Variants in FGF14 observed in about 807,000 individuals in gnomAD.
FGF14 encodes fibroblast growth factor homologous factor 4.
Under a neutral mutation model 25.5 loss-of-function variants are expected in FGF14, and 5 were observed. That is an observed-to-expected ratio of 0.20 (90% CI 0.10 to 0.41). The LOEUF (loss-of-function observed/expected upper bound fraction) is 0.41, where lower values mean the gene tolerates loss of function less well. FGF14 is among the 10% of genes least tolerant of loss of function. The pLI, the probability that FGF14 is intolerant of heterozygous loss-of-function variation, is 1.00. For missense variants in FGF14, 222 were observed against 320.1 expected, an observed-to-expected ratio of 0.69 and a Z score of 2.34; for synonymous variants, 138 against 118.3, an observed-to-expected ratio of 1.17 and a Z score of -1.08.
chr13:102,109,102 C>T (rs2045084048), intron 1 of FGF14, among the ~76,000 whole-genome samples: 1 of 139,062 alleles, frequency 7.2e-6, no homozygotes, highest in South Asian at 2.3e-4. Context: ...CTAGAGAGGT[C>T]TTTCATCACA....
chr13:101,850,509 TATATA>T (rs1566311716), intron 3 of FGF14, among the ~76,000 whole-genome samples: 490 of 3,548 alleles, frequency 0.14, 143 homozygotes, highest in South Asian at 0.2. Context: ...TATATATATA[TATATA>T]GAATTATATA....
At chr13:102,074,374 T>C (rs918126601) in intron 1 of FGF14, among the ~76,000 whole-genome samples, 1 of 152,150 alleles carries the variant, frequency 6.6e-6, no homozygotes, top group African/African-American at 2.4e-5. Context: ...TATCGTATTC[T>C]TTCACCCAAC....
chr13:102,143,830 G>A (rs908121038), intron 1 of FGF14, among the ~76,000 whole-genome samples: 1 of 152,088 alleles, frequency 6.6e-6, no homozygotes. Context: ...AGAGCCTGGG[G>A]GATGTTTGTA....
At chr13:101,941,497 G>A (rs2035448432) in intron 1 of FGF14, among the ~76,000 whole-genome samples, 2 of 152,142 alleles carry the variant, frequency 1.3e-5, no homozygotes, top group Non-Finnish European at 2.9e-5. Flanking sequence ...ATTTCAAGGA[G>A]AAATTTTAAA....
At chr13:101,736,544 CA>C (rs1271359322) in intron 3 of FGF14, among the ~76,000 whole-genome samples, 13 of 152,106 alleles carry the variant, frequency 8.5e-5, no homozygotes, top group African/African-American at 2.7e-4. Context: ...TATCTTTCTA[CA>C]AAAACTGGCA....
chr13:102,053,735 A>AAGTT (rs1477559661), intron 1 of FGF14, among the ~76,000 whole-genome samples: 5 of 152,132 alleles, frequency 3.3e-5, no homozygotes, highest in Non-Finnish European at 7.4e-5. Context: ...AAAACCAGAG[A>AAGTT]AGTTAATAAA....
chr13:101,914,656 C>T (rs550217602), intron 1 of FGF14, among the ~76,000 whole-genome samples: 73 of 152,246 alleles, frequency 4.8e-4, no homozygotes, highest in African/African-American at 1.7e-3. Flanking sequence ...TAAAGCAAAT[C>T]CTCCTTCGCC....
intron 1 of FGF14, among the ~76,000 whole-genome samples, chr13:102,232,524 CTTCTCTT>C (rs2051131185): frequency 6.6e-6 from 1 of 152,088 alleles, no homozygotes; most frequent in African/African-American, 2.4e-5. Context: ...AGTCTGAACC[CTTCTCTT>C]TTATTTTGAC....
At chr13:102,082,078 G>C (rs963006815) in intron 1 of FGF14, among the ~76,000 whole-genome samples, 20 of 152,042 alleles carry the variant, frequency 1.3e-4, no homozygotes, top group African/African-American at 4.8e-4. Flanking sequence ...CTATACAGGA[G>C]CTGTATTTAA....
In FGF14 at chr13:101,850,277, TCCAAAA is replaced by T. The variant is rs1284466681; in HGVS notation, c.408+18442_408+18447del. Among the ~76,000 whole-genome samples the T allele has an allele frequency of 7.9e-4, 28 of 35,616 alleles. 1 individual carries two copies. The highest frequency in any genetic ancestry group is 2.6e-3 in the African/African-American group (25 of 9,570). 23.4% of individuals were successfully genotyped at this position (35,616 alleles called of 152,430 possible). The stretch of plus-strand genomic sequence containing the variant: ...GGTGAAACCCTGCCTCTACTAAAAA[TCCAAAA>T]AAAAAAAAAAAAAAAAAAAAAATAG... On this transcript the variant is annotated intron_variant, in intron 3 of 4. Coordinates refer to ENST00000376143, the MANE Select transcript of FGF14 (RefSeq NM_004115.4).
At chr13:102,083,423 G>GT (rs1206389329) in intron 1 of FGF14, among the ~76,000 whole-genome samples, 5,867 of 149,620 alleles carry the variant, frequency 0.039, 351 homozygotes, top group African/African-American at 0.14. Flanking sequence ...TAAGTGTTGG[G>GT]TTTTTTTTTA....
intron 1 of FGF14, among the ~76,000 whole-genome samples, chr13:102,049,847 C>A (rs1362631373): frequency 6.6e-6 from 1 of 152,070 alleles, no homozygotes; most frequent in Non-Finnish European, 1.5e-5. Context: ...AGATTGATGG[C>A]AAACAACCAG....
At chr13:101,740,676 CG>C (rs2036492265) in intron 3 of FGF14, among the ~76,000 whole-genome samples, 1 of 151,800 alleles carries the variant, frequency 6.6e-6, no homozygotes, top group South Asian at 2.1e-4. Context: ...AAAAAAAAAG[CG>C]TAAGAGTATA....
chr13:102,020,958 A>G (rs1393876870), intron 1 of FGF14, among the ~76,000 whole-genome samples: 2 of 151,986 alleles, frequency 1.3e-5, no homozygotes, highest in Non-Finnish European at 1.5e-5. Flanking sequence ...CTCGCAGGGA[A>G]AAGATAAACA....
Position 102,036,912 on chromosome 13 carries a change from G to C in FGF14, c.209-161616C>G, listed in dbSNP as rs576865341. 3.3e-5 allele frequency among the ~76,000 whole-genome samples: 5 copies of C among 152,318 alleles called. No homozygotes were observed. In the South Asian group the frequency reaches 1.0e-3, roughly 32 times the overall value. ...TCTTGGAAAGATGAACTTGAGGAAAGAAAGGAGATTTTTCCTGCTTGGCAA... is the reference window on the plus strand; with the variant it reads ...TCTTGGAAAGATGAACTTGAGGAAACAAAGGAGATTTTTCCTGCTTGGCAA... On this transcript the variant is annotated intron_variant, in intron 1 of 4. Transcript: ENST00000376131.
At chr13:101,813,362 T>C (rs2041673975) in intron 3 of FGF14, among the ~76,000 whole-genome samples, 3 of 152,102 alleles carry the variant, frequency 2.0e-5, no homozygotes, top group African/African-American at 4.8e-5. Context: ...TGGATAGAAA[T>C]GGGGCTCTAG....
intron 1 of FGF14, among the ~76,000 whole-genome samples, chr13:102,175,208 T>C (rs143907254): frequency 0.015 from 2,307 of 152,250 alleles, 31 homozygotes; most frequent in Non-Finnish European, 0.023. Flanking sequence ...TACAAGGCTA[T>C]AGTAACCAAA....
intron 1 of FGF14, among the ~76,000 whole-genome samples, chr13:102,383,943 C>T (rs572286879): frequency 6.6e-6 from 1 of 152,232 alleles, no homozygotes; most frequent in East Asian, 1.9e-4. Context: ...AGGAGACCAA[C>T]TCTCATATGT....
chr13:102,196,203 G>T (rs2049343527), intron 1 of FGF14, among the ~76,000 whole-genome samples: 1 of 152,226 alleles, frequency 6.6e-6, no homozygotes, highest in East Asian at 1.9e-4. Flanking sequence ...CTAGACAAGA[G>T]AATTAAGACA....
Sources: gnomAD v4.1 joint callset for allele counts (sites outside exome capture counted in the v4.1 genomes callset) on GRCh38, gnomAD v4.1.1 for gene constraint, MANE v1.5 for transcripts, NCBI Gene and HGNC (gene_info 2026-07-23, HGNC 2026-07-21) for gene names.